The following IGSF10 variants were observed in gnomAD, a reference collection of about 807,000 sequenced individuals.
IGSF10 encodes immunoglobulin superfamily member 10, also known as calvaria mechanical force protein 608.
A neutral mutation model predicts 128.2 loss-of-function variants in IGSF10; 126 were observed. The ratio of observed to expected loss-of-function variants is 0.98; its 90% CI spans 0.85 to 1.14. The LOEUF (loss-of-function observed/expected upper bound fraction) is 1.14, where lower values mean the gene tolerates loss of function less well. IGSF10 is among the 50% of genes most tolerant of loss of function. The pLI is 0.00. For synonymous variants in IGSF10, 1,185 were observed against 1,146.2 expected (o/e 1.03, Z -0.68); for missense variants, 3,295 against 3,149.8 (o/e 1.05, Z -1.10).
chr3:151,474,863 A>G, the IGSF10 span, among the ~76,000 whole-genome samples: 1 of 152,260 alleles, frequency 6.6e-6, no homozygotes, highest in Admixed American at 6.5e-5. Context: ...TTCCAAAACC[A>G]CCAGATCTTG....
At chr3:151,606,831 T>C in the IGSF10 span, among the ~76,000 whole-genome samples, 2 of 152,322 alleles carry the variant, frequency 1.3e-5, no homozygotes, top group East Asian at 3.9e-4. Flanking sequence ...AGTTTCTCTC[T>C]GTGATTTTTT....
chr3:151,518,930 C>T, the IGSF10 span, among the ~76,000 whole-genome samples: 2 of 151,844 alleles, frequency 1.3e-5, no homozygotes, highest in African/African-American at 2.4e-5. Context: ...TCTTTCCTTC[C>T]TCTTACCAAA....
chr3:151,522,697 A>C, the IGSF10 span, among the ~76,000 whole-genome samples: 2 of 152,214 alleles, frequency 1.3e-5, no homozygotes, highest in Non-Finnish European at 2.9e-5. Context: ...CAAGATAATA[A>C]GAGCCATCTA....
the IGSF10 span, among the ~76,000 whole-genome samples, chr3:151,492,739 A>C: frequency 2.1e-5 from 1 of 47,782 alleles, no homozygotes; most frequent in African/African-American, 1.3e-4. Flanking sequence ...TCTCAAAAAA[A>C]TTAAAGCAAA....
chr3:151,555,240 G>T, the IGSF10 span, among the ~76,000 whole-genome samples: 1 of 152,086 alleles, frequency 6.6e-6, no homozygotes, highest in African/African-American at 2.4e-5. Flanking sequence ...TGAGCAAGAA[G>T]ATTTCTACAC....
At chr3:151,462,250 G>A (rs1052021154), upstream of IGSF10, among the ~76,000 whole-genome samples, 1 of 152,108 alleles carries the variant, frequency 6.6e-6, no homozygotes, top group Non-Finnish European at 1.5e-5. Context: ...TAGGGCAGTG[G>A]ATCTCAAGAT....
chr3:151,580,608 A>C, the IGSF10 span, among the ~76,000 whole-genome samples: 1 of 152,144 alleles, frequency 6.6e-6, no homozygotes, highest in Non-Finnish European at 1.5e-5. Context: ...TTAGCATATA[A>C]CTCACTTAAT....
the IGSF10 span, among the ~76,000 whole-genome samples, chr3:151,519,717 T>G: frequency 6.6e-6 from 1 of 151,744 alleles, no homozygotes; most frequent in African/African-American, 2.4e-5. Flanking sequence ...GAATTCTTAC[T>G]TCTGAAGGGG....
At chr3:151,467,588 C>G in the IGSF10 span, among the ~76,000 whole-genome samples, 2 of 151,988 alleles carry the variant, frequency 1.3e-5, no homozygotes, top group South Asian at 4.1e-4. Context: ...CCAAAAGTAG[C>G]TAGAAAAATG....
the IGSF10 span, among the ~76,000 whole-genome samples, chr3:151,526,162 C>T: frequency 1.3e-5 from 2 of 152,170 alleles, no homozygotes; most frequent in East Asian, 3.9e-4. Context: ...TTTGAGCTAC[C>T]TGTTGAAGAG....
the IGSF10 span, among the ~76,000 whole-genome samples, chr3:151,538,162 T>C: frequency 3.9e-5 from 6 of 152,196 alleles, no homozygotes; most frequent in African/African-American, 1.2e-4. Context: ...CAAAGTCTCA[T>C]TCTGCGACTT....
the IGSF10 span, among the ~76,000 whole-genome samples, chr3:151,471,907 C>A: frequency 6.6e-6 from 1 of 152,124 alleles, no homozygotes. Flanking sequence ...ATTTAATAAA[C>A]AATGCAATGC....
chr3:151,547,824 G>T, the IGSF10 span, among the ~76,000 whole-genome samples: 733 of 152,288 alleles, frequency 4.8e-3, 3 homozygotes, highest in Non-Finnish European at 8.0e-3. Flanking sequence ...CAGTTAGCTT[G>T]CAAATGGAAT....
rs775444839 is a variant in IGSF10 at position 151,449,065 on chromosome 3, G to A, written c.916C>T (p.Pro306Ser). 8.7e-6 allele frequency: 14 copies of A among 1,614,208 alleles called. No individual in the cohort carries two copies. The highest frequency in any genetic ancestry group is 1.1e-5 in the Non-Finnish European group (13 of 1,180,024). ...LEDSSSAFIS[P>S]QGFMAPFGSL... ...CCAAAGGGTGCCATGAAACCTTGGG[G>A]AGAGATGAAAGCAGAACTACTGTCT... The change falls in exon 6 of 8, where the codon CCC (proline) becomes TCC (serine). Residue 306 changes from proline (P) to serine (S), a missense_variant. Transcript: ENST00000282466.
At chr3:151,583,181 TTTA>T in the IGSF10 span, among the ~76,000 whole-genome samples, 3 of 151,998 alleles carry the variant, frequency 2.0e-5, no homozygotes, top group African/African-American at 7.2e-5. Flanking sequence ...ATTTATTCTC[TTTA>T]TTATTTGTTC....
At chr3:151,482,339 A>G in the IGSF10 span, among the ~76,000 whole-genome samples, 1 of 152,230 alleles carries the variant, frequency 6.6e-6, no homozygotes, top group African/African-American at 2.4e-5. Flanking sequence ...TGAGAAATTT[A>G]ATAAAGAGAC....
the IGSF10 span, among the ~76,000 whole-genome samples, chr3:151,597,035 T>C: frequency 5.3e-5 from 8 of 152,022 alleles, no homozygotes; most frequent in Non-Finnish European, 1.2e-4. Context: ...AATAAATAGA[T>C]TGAAGCTGGC....
the IGSF10 span, among the ~76,000 whole-genome samples, chr3:151,528,472 C>T: frequency 6.6e-6 from 1 of 152,134 alleles, no homozygotes; most frequent in Non-Finnish European, 1.5e-5. Context: ...ATGCAGAAGG[C>T]AGGTGATTTC....
In IGSF10 at chr3:151,444,903, A is replaced by G. The variant is rs568238324; in HGVS notation, c.5062+16T>C. ...TTTCTAACAAAAACTAAGTGTAAAGAAAAAGTTTCACATACCTGATGGGAC... is the reference window on the plus strand; with the variant it reads ...TTTCTAACAAAAACTAAGTGTAAAGGAAAAGTTTCACATACCTGATGGGAC... On this transcript the variant is annotated intron_variant, in intron 6 of 7. Coordinates refer to ENST00000282466, the MANE Select transcript of IGSF10 (RefSeq NM_178822.5). 5.2e-6 allele frequency: 8 copies of G among 1,548,880 alleles called. No homozygotes were observed. In the South Asian group the frequency reaches 7.5e-5, roughly 14 times the overall value.
Sources: allele counts gnomAD v4.1 joint callset (sites outside exome capture counted in the v4.1 genomes callset), GRCh38; gene constraint gnomAD v4.1.1; transcripts MANE v1.5; gene names NCBI Gene and HGNC (gene_info 2026-07-23, HGNC 2026-07-21).